Variants in NALF2 observed in about 807,000 individuals in gnomAD.
The protein encoded by NALF2 is bB57D9.1 (TED protein).
Under a neutral mutation model 24.8 loss-of-function variants are expected in NALF2, and 1 was observed. The ratio of observed to expected loss-of-function variants is 0.04; its 90% CI spans 0.01 to 0.19. The LOEUF (loss-of-function observed/expected upper bound fraction) is 0.19, where lower values mean the gene tolerates loss of function less well. NALF2 is among the 10% of genes least tolerant of loss of function. NALF2 has a pLI of 1.00. For missense variants in NALF2, 458 were observed against 409.6 expected (o/e 1.12, Z -1.02); for synonymous variants, 254 against 189.8 (o/e 1.34, Z -2.78).
intron 1 of NALF2, among the ~76,000 whole-genome samples, chrX:69,527,214 G>C (rs1472871588): frequency 1.8e-5 from 2 of 111,694 alleles, no homozygotes; most frequent in African/African-American, 6.5e-5. Context: ...GACTTGAGGA[G>C]GACAGTGGAT....
chrX:69,527,267 A>G (rs746195880), intron 1 of NALF2, among the ~76,000 whole-genome samples: 1 of 111,700 alleles, frequency 9.0e-6, no homozygotes, highest in Non-Finnish European at 1.9e-5. Flanking sequence ...AATTTATAAC[A>G]TGTTAAATTT....
At chrX:69,528,947 G>A (rs753857713) in intron 1 of NALF2, 46 bp from the exon 2 acceptor site, 15 of 1,160,357 alleles carry the variant, frequency 1.3e-5, no homozygotes, top group Non-Finnish European at 1.7e-5. Context: ...CCTCTGAGGT[G>A]GGAAGGGGCT....
chrX:69,505,365 G>C lies in NALF2; in HGVS notation c.83G>C (p.Arg28Thr), dbSNP rs1175366381. ...TGCTGCTGCTGCTGCTGGGCTCCCA[G>C]GCCGAGCGACAAACCTTGCGCCGAC... ...ICCCCCCWAPRPSDKPCADSE... is the reference protein window; with the variant it reads ...ICCCCCCWAPTPSDKPCADSE... The change falls in exon 1 of 3, where the codon AGG becomes ACG. Residue 28 changes from arginine to threonine, a missense_variant. Transcript: ENST00000252338. 8.6e-7 allele frequency: 1 copy of C among 1,157,004 alleles called. No homozygotes were observed. The highest frequency in any genetic ancestry group is 1.2e-6 in the Non-Finnish European group (1 of 868,869).
chrX:69,506,154 G>C lies in NALF2; in HGVS notation c.861+11G>C. On this transcript the variant is annotated intron_variant, in intron 1 of 2. Transcript: ENST00000252338. ...ACGAAAGGCTGTAAGGTAAGGACTG[G>C]CTTCCGCAGCCACAGCAGCCGCCCT... 8.4e-7 allele frequency: 1 copy of C among 1,194,923 alleles called. No homozygotes were observed. Among genetic ancestry groups the C allele is most frequent in the Non-Finnish European group, 1.1e-6 (1 of 888,216 alleles).
At chrX:69,506,471 C>G in intron 1 of NALF2, among the ~76,000 whole-genome samples, 1 of 113,358 alleles carries the variant, frequency 8.8e-6, no homozygotes, top group Admixed American at 9.2e-5. Context: ...GTGCTCCCCC[C>G]AGCCTCCATC....
intron 1 of NALF2, among the ~76,000 whole-genome samples, chrX:69,514,020 C>T (rs1930627005): frequency 9.1e-6 from 1 of 110,491 alleles, no homozygotes; most frequent in Non-Finnish European, 1.9e-5. Flanking sequence ...TGGCGAAACC[C>T]CAGCTCTACT....
At position 69,504,386 on chromosome X, in the gene NALF2, A is replaced by G. The variant is rs1930410236; in HGVS notation, c.-897A>G. ...CTCCGCCCTGCTCCCCGCCAAACAC[A>G]CTTGCACAGGGGCTCTCAAGGTGTT... On this transcript the variant is annotated 5_prime_UTR_variant, in exon 1 of 3. Coordinates refer to ENST00000252338, the MANE Select transcript of NALF2 (RefSeq NM_015686.3). Among the ~76,000 whole-genome samples, 2 of 112,843 alleles carry G rather than the reference A, an allele frequency of 1.8e-5. No homozygotes were observed. Among genetic ancestry groups the G allele is most frequent in the African/African-American group, 6.4e-5 (2 of 31,199 alleles).
At chrX:69,516,968 C>T (rs1033505502) in intron 1 of NALF2, among the ~76,000 whole-genome samples, 4 of 111,828 alleles carry the variant, frequency 3.6e-5, no homozygotes, top group African/African-American at 9.8e-5. Context: ...TTTAGAGTCA[C>T]GCCTCCCATC....
At chrX:69,519,009 A>C (rs1930699782) in intron 1 of NALF2, among the ~76,000 whole-genome samples, 1 of 112,364 alleles carries the variant, frequency 8.9e-6, no homozygotes, top group Non-Finnish European at 1.9e-5. Context: ...AAAATTCCTG[A>C]TTTTAACAAT....
chrX:69,515,258 A>G (rs1158607092), intron 1 of NALF2, among the ~76,000 whole-genome samples: 1 of 112,148 alleles, frequency 8.9e-6, no homozygotes, highest in African/African-American at 3.2e-5. Context: ...CCCTGATGTT[A>G]ACAATATGTA....
chrX:69,511,958 G>A (rs1447511223), intron 1 of NALF2, among the ~76,000 whole-genome samples: 4 of 111,647 alleles, frequency 3.6e-5, no homozygotes, highest in Non-Finnish European at 7.5e-5. Context: ...GCGGGAGTGT[G>A]CCTTAGAAAA....
chrX:69,511,634 G>T (rs916078224), intron 1 of NALF2, among the ~76,000 whole-genome samples: 1 of 111,637 alleles, frequency 9.0e-6, no homozygotes, highest in African/African-American at 3.3e-5. Flanking sequence ...GGATACACTG[G>T]TATCTCCTGA....
At chrX:69,524,641 C>CA (rs1433985933) in intron 1 of NALF2, among the ~76,000 whole-genome samples, 1 of 86,597 alleles carries the variant, frequency 1.2e-5, no homozygotes, top group Non-Finnish European at 2.1e-5. Context: ...AAACAACCTC[C>CA]CCCGTCAACC....
chrX:69,516,546 A>G (rs908523062), intron 1 of NALF2, among the ~76,000 whole-genome samples: 5 of 112,124 alleles, frequency 4.5e-5, no homozygotes, highest in Non-Finnish European at 9.4e-5. Flanking sequence ...TTCTGAAGGA[A>G]TGGACTCTGG....
chrX:69,507,164 G>T (rs1001302524), intron 1 of NALF2, among the ~76,000 whole-genome samples: 5 of 111,625 alleles, frequency 4.5e-5, no homozygotes, highest in Admixed American at 1.9e-4. Flanking sequence ...ACACATCCTC[G>T]AGCTGGGGCC....
intron 1 of NALF2, among the ~76,000 whole-genome samples, chrX:69,513,828 T>C (rs1930622527): frequency 9.0e-6 from 1 of 111,331 alleles, no homozygotes; most frequent in Non-Finnish European, 1.9e-5. Context: ...TTTGCAGTAT[T>C]GTACAATTAT....
Position 69,505,763 on chromosome X carries a change from A to G in NALF2, c.481A>G (p.Thr161Ala), listed in dbSNP as rs1930462692. The G allele has an allele frequency of 8.3e-7, 1 of 1,207,915 alleles. No homozygotes were observed. Among genetic ancestry groups the G allele is most frequent in the African/African-American group, 1.8e-5 (1 of 56,588 alleles). Residue 161 changes from threonine to alanine, a missense_variant, in exon 1 of 3, where the codon ACT becomes GCT. By Grantham distance (58) the Thr-to-Ala change is moderately conservative. Coordinates refer to ENST00000252338, the MANE Select transcript of NALF2 (RefSeq NM_015686.3). ...QSLQRLFEPT[T>A]PAPPLRPPDS... is the part of the protein sequence containing the mutation. ...TTTGCAGAGACTTTTCGAACCGACT[A>G]CTCCGGCCCCCCCTCTGCGGCCCCC...
chrX:69,528,898 C>T (rs962493230), intron 1 of NALF2, 95 bp from the exon 2 acceptor site: 10 of 943,402 alleles, frequency 1.1e-5, no homozygotes, highest in Admixed American at 3.6e-5. Context: ...GTTGGTGAGG[C>T]CCCCTTGAGA....
At chrX:69,507,251 C>T (rs1930503370) in intron 1 of NALF2, among the ~76,000 whole-genome samples, 1 of 111,740 alleles carries the variant, frequency 8.9e-6, no homozygotes, top group Admixed American at 9.4e-5. Context: ...GCAGAAAGTG[C>T]CATTTTCCAT....
Sources: allele counts gnomAD v4.1 joint callset (sites outside exome capture counted in the v4.1 genomes callset), GRCh38; gene constraint gnomAD v4.1.1; transcripts MANE v1.5; gene names NCBI Gene and HGNC (gene_info 2026-07-23, HGNC 2026-07-21).